The following RNF13 variants were observed in gnomAD, a reference collection of about 807,000 sequenced individuals.
RNF13 encodes E3 ubiquitin-protein ligase RNF13.
RNF13 carries 19 observed loss-of-function variants against 37.7 expected under a neutral mutation model. The observed-to-expected ratio is 0.50, with a 90% CI of 0.35 to 0.74. The LOEUF is 0.74. RNF13 is among the 30% of genes least tolerant of loss of function. RNF13 has a pLI of 0.01. For missense variants in RNF13, 375 were observed against 453.0 expected (o/e 0.83, Z 1.56); for synonymous variants, 144 against 157.8 (o/e 0.91, Z 0.65).
chr3:149,943,974 A>G (rs1400986747), intron 8 of RNF13, among the ~76,000 whole-genome samples: 1 of 151,082 alleles, frequency 6.6e-6, no homozygotes, highest in African/African-American at 2.4e-5. Flanking sequence ...CCCCAACCCC[A>G]CGACATGCCC....
chr3:149,826,591 G>T (rs528808524), intron 1 of RNF13, among the ~76,000 whole-genome samples: 4 of 152,024 alleles, frequency 2.6e-5, no homozygotes, highest in Admixed American at 2.0e-4. Flanking sequence ...TAATATTTTC[G>T]TGTATTTTCT....
intron 1 of RNF13, among the ~76,000 whole-genome samples, chr3:149,829,890 G>A (rs973605104): frequency 6.6e-6 from 1 of 152,142 alleles, no homozygotes; most frequent in Non-Finnish European, 1.5e-5. Context: ...GGTTTTTTCT[G>A]TGCTGTTCTC....
intron 2 of RNF13, among the ~76,000 whole-genome samples, chr3:149,849,842 C>A (rs1353681829): frequency 6.6e-6 from 1 of 152,026 alleles, no homozygotes; most frequent in Non-Finnish European, 1.5e-5. Flanking sequence ...TTTCTAAATT[C>A]AATTAAACCT....
intron 3 of RNF13, among the ~76,000 whole-genome samples, chr3:149,853,995 C>T (rs965734218): frequency 6.6e-5 from 10 of 151,852 alleles, no homozygotes; most frequent in South Asian, 2.1e-4. Context: ...CCACCATGCC[C>T]GGCTAGTTTT....
In RNF13 at chr3:149,948,165, G is replaced by T. The variant is rs376765110; in HGVS notation, c.701-11891G>T. On this transcript the variant is annotated intron_variant, in intron 8 of 9. Coordinates refer to ENST00000392894, the MANE Select transcript of RNF13 (RefSeq NM_183381.3). ...GGGGTTTCACCATGCTGGCCAGGCTGGTCTCGAACTCCTAACCTCATGATC... is the reference window on the plus strand; with the variant it reads ...GGGGTTTCACCATGCTGGCCAGGCTTGTCTCGAACTCCTAACCTCATGATC... 3.9e-5 allele frequency among the ~76,000 whole-genome samples: 6 copies of T among 152,136 alleles called. No individual in the cohort carries two copies. The South Asian group carries it at 1.2e-3, about 32-fold the overall frequency.
intron 1 of RNF13, among the ~76,000 whole-genome samples, chr3:149,830,842 G>A (rs1413683956): frequency 6.6e-6 from 1 of 152,222 alleles, no homozygotes; most frequent in African/African-American, 2.4e-5. Flanking sequence ...AGGAAAAAAT[G>A]GCTTGCTGGG....
At chr3:149,938,977 T>A in intron 8 of RNF13, 1 of 458,320 alleles carries the variant, frequency 2.2e-6, no homozygotes, top group South Asian at 1.8e-5. Context: ...AACAAATTGT[T>A]TAAACTATTT....
intron 7 of RNF13, among the ~76,000 whole-genome samples, chr3:149,918,575 T>C (rs1373308033): frequency 2.0e-5 from 3 of 152,138 alleles, no homozygotes; most frequent in Admixed American, 2.0e-4. Flanking sequence ...TCTTGCTCTA[T>C]CACCCAGGCT....
At chr3:149,828,066 A>C (rs1235132333) in intron 1 of RNF13, among the ~76,000 whole-genome samples, 1 of 152,136 alleles carries the variant, frequency 6.6e-6, no homozygotes. Flanking sequence ...CACCTGAACT[A>C]AGTGCGAGTC....
Position 149,960,118 on chromosome 3 carries a change from A to C in RNF13, c.763A>C (p.Ile255Leu), listed in dbSNP as rs1228554744. 6.2e-7 allele frequency: 1 copy of C among 1,608,720 alleles called. No homozygotes were observed. The highest frequency in any genetic ancestry group is 1.1e-5 in the South Asian group (1 of 90,986). The change falls in exon 9 of 10, where the codon ATC (isoleucine) becomes CTC (leucine). Residue 255 changes from isoleucine (I) to leucine (L), a missense_variant. Ile to Leu is a conservative substitution (Grantham distance 5). Coordinates refer to ENST00000392894, the MANE Select transcript of RNF13 (RefSeq NM_183381.3). ...GTATGAAGATGGAGACAAACTCAGA[A>C]TCCTTCCCTGTTCCCATGGTATGAG... ...DEYEDGDKLRILPCSHAYHCK... is the reference protein window; with the variant it reads ...DEYEDGDKLRLLPCSHAYHCK...
chr3:149,959,832 G>A, intron 8 of RNF13: 1 of 376,880 alleles, frequency 2.7e-6, no homozygotes, highest in South Asian at 5.5e-5. Flanking sequence ...ATTTTGCAAA[G>A]ATAATCAAGG....
intron 2 of RNF13, among the ~76,000 whole-genome samples, chr3:149,851,873 G>T (rs1437599104): frequency 6.6e-6 from 1 of 152,064 alleles, no homozygotes; most frequent in African/African-American, 2.4e-5. Context: ...AAAGCACAAA[G>T]AACTTTTGTT....
At chr3:149,950,004 CAGTTTTGTA>C (rs1429605318) in intron 8 of RNF13, among the ~76,000 whole-genome samples, 1 of 151,758 alleles carries the variant, frequency 6.6e-6, no homozygotes, top group African/African-American at 2.4e-5. Context: ...CTTTGCTTTT[CAGTTTTGTA>C]AGTTTCTAGT....
chr3:149,901,895 T>G (rs1715879207), intron 5 of RNF13, among the ~76,000 whole-genome samples, 177 bp from the exon 6 acceptor site: 2 of 152,206 alleles, frequency 1.3e-5, no homozygotes, highest in African/African-American at 4.8e-5. Flanking sequence ...TTACTGTAAA[T>G]GTTATGTTTC....
At chr3:149,937,572 C>A (rs1183701153) in intron 8 of RNF13, among the ~76,000 whole-genome samples, 4 of 152,036 alleles carry the variant, frequency 2.6e-5, no homozygotes, top group Non-Finnish European at 5.9e-5. Flanking sequence ...TTCTACTCTG[C>A]CATTTTGGTA....
chr3:149,901,076 A>T (rs1176355652), intron 5 of RNF13, among the ~76,000 whole-genome samples: 1 of 152,116 alleles, frequency 6.6e-6, no homozygotes, highest in East Asian at 1.9e-4. Flanking sequence ...TCTATATCCA[A>T]CTGTAGTTGT....
intron 8 of RNF13, among the ~76,000 whole-genome samples, chr3:149,951,943 C>T (rs1721384680): frequency 6.6e-6 from 1 of 152,126 alleles, no homozygotes. Flanking sequence ...ATACTACTAC[C>T]CTACTCTTTT....
At chr3:149,910,215 G>A (rs528479226) in intron 6 of RNF13, among the ~76,000 whole-genome samples, 2 of 152,130 alleles carry the variant, frequency 1.3e-5, no homozygotes, top group African/African-American at 4.8e-5. Context: ...TGCGGAGCTG[G>A]CTGGCCTCGT....
At chr3:149,823,847 G>A (rs974789080) in intron 1 of RNF13, among the ~76,000 whole-genome samples, 10 of 152,030 alleles carry the variant, frequency 6.6e-5, no homozygotes, top group East Asian at 1.9e-4. Flanking sequence ...AAGTAGCTAC[G>A]GAGTTAAAGT....
Sources: allele counts gnomAD v4.1 joint callset (sites outside exome capture counted in the v4.1 genomes callset), GRCh38; gene constraint gnomAD v4.1.1; transcripts MANE v1.5; gene names NCBI Gene and HGNC (gene_info 2026-07-23, HGNC 2026-07-21).